Variants in LHX4 observed in about 807,000 individuals in gnomAD.
LHX4 encodes the protein LIM homeobox 4, also known as LIM/homeobox protein Lhx4.
Under a neutral mutation model 39.2 loss-of-function variants are expected in LHX4, and 16 were observed. The observed-to-expected ratio is 0.41, with a 90% CI of 0.28 to 0.62. The LOEUF (loss-of-function observed/expected upper bound fraction) is 0.62, where lower values mean the gene tolerates loss of function less well. LHX4 is among the 20% of genes least tolerant of loss of function. The pLI, the probability that LHX4 is intolerant of heterozygous loss-of-function variation, is 0.33. For synonymous variants in LHX4, 206 were observed against 198.1 expected (o/e 1.04, Z -0.33); for missense variants, 439 against 511.9 (o/e 0.86, Z 1.37).
At chr1:180,231,504 A>G (rs1401848801) in intron 1 of LHX4, among the ~76,000 whole-genome samples, 1 of 147,968 alleles carries the variant, frequency 6.8e-6, no homozygotes, top group African/African-American at 2.5e-5. Context: ...CTCCTGAGCG[A>G]GAGTCCCCGA....
At chr1:180,259,766 G>T (rs1460202588) in intron 2 of LHX4, among the ~76,000 whole-genome samples, 1 of 151,700 alleles carries the variant, frequency 6.6e-6, no homozygotes, top group Admixed American at 6.5e-5. Flanking sequence ...CCTGGGGTCT[G>T]CTGGGTAAGG....
intron 2 of LHX4, among the ~76,000 whole-genome samples, chr1:180,258,568 G>C (rs1647971603): frequency 6.6e-6 from 1 of 152,212 alleles, no homozygotes; most frequent in Admixed American, 6.5e-5. Flanking sequence ...TTAGGAGGCA[G>C]CTGTAGGTGC....
Position 180,234,908 on chromosome 1 carries a change from G to A in LHX4, c.76+4303G>A, listed in dbSNP as rs996770066. Among the ~76,000 whole-genome samples the A allele has an allele frequency of 6.6e-6, 1 of 152,198 alleles. No individual in the cohort carries two copies. Among genetic ancestry groups the A allele is most frequent in the Non-Finnish European group, 1.5e-5 (1 of 68,020 alleles). On this transcript the variant is annotated intron_variant, in intron 1 of 5. Transcript: ENST00000263726. The surrounding 1 kb of genome is among the most constrained non-coding windows in gnomAD (Gnocchi z 4.8). ...CCGGGGCAGGGCTCCTCCGCCCCGCGGGCAGATGCCGGCCTGGGTGGCCCG... is the reference window on the plus strand; with the variant it reads ...CCGGGGCAGGGCTCCTCCGCCCCGCAGGCAGATGCCGGCCTGGGTGGCCCG...
At chr1:180,250,769 G>A (rs1220486149) in intron 2 of LHX4, among the ~76,000 whole-genome samples, 1 of 152,196 alleles carries the variant, frequency 6.6e-6, no homozygotes, top group African/African-American at 2.4e-5. Context: ...GGAAAGAGAG[G>A]GTGGAGAGGA....
intron 2 of LHX4, among the ~76,000 whole-genome samples, chr1:180,257,468 T>C (rs1266086452): frequency 6.6e-6 from 1 of 152,192 alleles, no homozygotes; most frequent in Non-Finnish European, 1.5e-5. Flanking sequence ...TTCTCTGGTG[T>C]CAGGCCTTCT....
intron 1 of LHX4, among the ~76,000 whole-genome samples, chr1:180,231,632 C>T (rs1664184635): frequency 6.6e-6 from 1 of 151,390 alleles, no homozygotes; most frequent in South Asian, 2.1e-4. Context: ...CAGGGCGCCC[C>T]GGGCACCCTG....
chr1:180,234,169 T>TTTATATA lies in LHX4; in HGVS notation c.76+3565_76+3566insTATATAT, dbSNP rs1491469242. On this transcript the variant is annotated intron_variant, in intron 1 of 5. Transcript: ENST00000263726. This position sits in a 1 kb window ranked among gnomAD's most constrained non-coding sequence, Gnocchi z 4.8. Reference sequence around the variant, plus strand: ...AACAGACACACACAACACACACAAATTATATATATATATATATATATATAT... The same window carrying TTTATATA: ...AACAGACACACACAACACACACAAATTTATATATATATATATATATATATATATATAT... 1.9e-5 allele frequency among the ~76,000 whole-genome samples: 1 copy of TTTATATA among 53,610 alleles called. No individual in the cohort carries two copies. Among genetic ancestry groups the TTTATATA allele is most frequent in the East Asian group, 5.6e-4 (1 of 1,770 alleles). 35.2% of individuals were successfully genotyped at this position (53,610 alleles called of 152,430 possible).
chr1:180,270,240 T>TAACA (rs1055046699), intron 3 of LHX4: 12 of 152,250 alleles, frequency 7.9e-5, no homozygotes, highest in Admixed American at 1.3e-4. Flanking sequence ...TGGTAGGTGC[T>TAACA]AACACATGTT....
chr1:180,230,464 G>A lies in LHX4; in HGVS notation c.-66G>A. ...TTTTAATTATTATTTTGAAATTTCT[G>A]AATCGAGCTAGAGCGAGAGAGCGAG... On this transcript the variant is annotated 5_prime_UTR_variant, in exon 1 of 6. Coordinates refer to ENST00000263726, the MANE Select transcript of LHX4 (RefSeq NM_033343.4). The surrounding 1 kb of genome is among the most constrained non-coding windows in gnomAD (Gnocchi z 5.8). 7.3e-7 allele frequency: 1 copy of A among 1,367,048 alleles called. No homozygotes were observed. Among genetic ancestry groups the A allele is most frequent in the East Asian group, 2.3e-5 (1 of 43,142 alleles). The allele number at this position is 1,367,048 out of a possible 1,614,324, so 84.7% of individuals were successfully genotyped here. A position where few individuals can be genotyped will look rare whatever the true frequency, so the allele number is the denominator to read the frequency against.
At chr1:180,257,765 A>G (rs6661125) in intron 2 of LHX4, among the ~76,000 whole-genome samples, 37,868 of 152,160 alleles carry the variant, frequency 0.25, 6,378 homozygotes, top group African/African-American at 0.48. Context: ...TTTCCTCAGG[A>G]CGGTGCACCG....
At chr1:180,256,487 T>A (rs1351994388) in intron 2 of LHX4, among the ~76,000 whole-genome samples, 1 of 152,182 alleles carries the variant, frequency 6.6e-6, no homozygotes, top group East Asian at 1.9e-4. Flanking sequence ...CCTGGGGGCC[T>A]CTCTCCCACA....
intron 2 of LHX4, among the ~76,000 whole-genome samples, chr1:180,261,750 T>C (rs1401480543): frequency 6.6e-6 from 1 of 152,188 alleles, no homozygotes; most frequent in Admixed American, 6.5e-5. Context: ...AGTAGGTCAG[T>C]TGATGTTCTG....
intron 1 of LHX4, among the ~76,000 whole-genome samples, chr1:180,245,496 G>A (rs1647349889): frequency 6.6e-6 from 1 of 152,226 alleles, no homozygotes; most frequent in Non-Finnish European, 1.5e-5. Flanking sequence ...TGGCATAATT[G>A]CTGTGTGAGG....
At chr1:180,261,841 G>A (rs1457999432) in intron 2 of LHX4, among the ~76,000 whole-genome samples, 1 of 152,202 alleles carries the variant, frequency 6.6e-6, no homozygotes, top group African/African-American at 2.4e-5. Context: ...GACTGATGAT[G>A]CATTTTAGCT....
Position 180,271,462 on chromosome 1 carries a change from C to T in LHX4, c.534C>T (p.Asn178=), listed in dbSNP as rs1158247974. 1.2e-6 allele frequency: 2 copies of T among 1,614,192 alleles called. No homozygotes were observed. The highest frequency in any genetic ancestry group is 1.1e-5 in the South Asian group (1 of 91,080). Residue 178 remains asparagine (N), a synonymous_variant, in exon 4 of 6, where the codon AAC becomes AAT. Transcript: ENST00000263726. The stretch of plus-strand genomic sequence containing the variant: ...AGACATTAAAGAATGCATACAAGAA[C>T]TCCCCCAAGCCTGCCCGGCACGTGA... ...QLETLKNAYK[N]SPKPARHVRE...
At chr1:180,241,804 GT>G (rs200045928) in intron 1 of LHX4, among the ~76,000 whole-genome samples, 1 of 151,608 alleles carries the variant, frequency 6.6e-6, no homozygotes, top group South Asian at 2.1e-4. Flanking sequence ...TTGTTTTTGT[GT>G]TTTTTTTCTT....
chr1:180,229,451 G>A (rs554212833), upstream of LHX4, among the ~76,000 whole-genome samples: 1 of 152,230 alleles, frequency 6.6e-6, no homozygotes, highest in South Asian at 2.1e-4. Context: ...CGCCACCTCC[G>A]CGCACAGCCC....
intron 2 of LHX4, among the ~76,000 whole-genome samples, chr1:180,258,173 A>G (rs1455369911): frequency 2.0e-5 from 3 of 152,220 alleles, no homozygotes; most frequent in Non-Finnish European, 2.9e-5. Context: ...TGCACAGCGC[A>G]TCTACTGAGA....
In LHX4 at chr1:180,275,262, T is replaced by C. The variant is rs1648958463; in HGVS notation, c.*683T>C. 1.3e-5 allele frequency: 2 copies of C among 152,044 alleles called. No homozygotes were observed. The highest frequency in any genetic ancestry group is 4.2e-4 in the South Asian group (2 of 4,818). 9.4% of individuals were successfully genotyped at this position (152,044 alleles called of 1,614,324 possible). On this transcript the variant is annotated 3_prime_UTR_variant, in exon 6 of 6. Transcript: ENST00000263726. ...CATTGACTCTGATGGCAAGAGGTGGTTTTCATTGCAGGTGACTGAGGCTGA... is the reference window on the plus strand; with the variant it reads ...CATTGACTCTGATGGCAAGAGGTGGCTTTCATTGCAGGTGACTGAGGCTGA...
Sources: gnomAD v4.1 joint callset for allele counts (sites outside exome capture counted in the v4.1 genomes callset) on GRCh38, gnomAD v4.1.1 for gene constraint, Gnocchi (gnomAD v3.1) non-coding constraint, MANE v1.5 for transcripts, NCBI Gene and HGNC (gene_info 2026-07-23, HGNC 2026-07-21) for gene names.